The following HMGXB4 variants were observed in gnomAD, a reference collection of about 807,000 sequenced individuals.
HMGXB4 encodes HMG-box containing 4, also known as HMG domain-containing protein 4.
A neutral mutation model predicts 63.9 loss-of-function variants in HMGXB4; 27 were observed. The observed-to-expected ratio is 0.42, with a 90% confidence interval of 0.31 to 0.58. The LOEUF (loss-of-function observed/expected upper bound fraction) is 0.58. Ranked by LOEUF, HMGXB4 falls within the 20% of genes least tolerant of loss-of-function variation. The pLI is 0.13. For missense variants in HMGXB4, 624 were observed against 700.7 expected, an observed-to-expected ratio of 0.89 and a Z score of 1.24; for synonymous variants, 264 against 265.3, an observed-to-expected ratio of 0.99 and a Z score of 0.05.
chr22:35,243,826 G>C, the HMGXB4 span, among the ~76,000 whole-genome samples: 4 of 152,178 alleles, frequency 2.6e-5, no homozygotes, highest in African/African-American at 9.7e-5. Flanking sequence ...TTACAGGTGT[G>C]AGCCACCATG....
At position 35,288,374 on chromosome 22, in the gene HMGXB4, A is replaced by G. The variant is rs998271416; in HGVS notation, c.1605A>G (p.Leu535=). ...AAHLQLLGES[L]SLIGHRLQET... is the part of the protein sequence containing the mutation. ...ATCTTCAGCTGTTGGGAGAGTCCCTAAGCCTCATTGGACACCGTCTGCAGG... is the reference window on the plus strand; with the variant it reads ...ATCTTCAGCTGTTGGGAGAGTCCCTGAGCCTCATTGGACACCGTCTGCAGG... Residue 535 remains leucine (L), a synonymous_variant, in exon 9 of 11, where the codon CTA becomes CTG. Transcript: ENST00000216106. The G allele has an allele frequency of 1.6e-5, 26 of 1,609,240 alleles. No homozygotes were observed. The highest frequency in any genetic ancestry group is 2.2e-5 in the Non-Finnish European group (26 of 1,177,090).
At chr22:35,253,257 C>T (rs1158635395), upstream of HMGXB4, among the ~76,000 whole-genome samples, 1 of 151,978 alleles carries the variant, frequency 6.6e-6, no homozygotes, top group Non-Finnish European at 1.5e-5. Context: ...GATAAAAATC[C>T]ATTAGGAAGC....
intron 5 of HMGXB4, among the ~76,000 whole-genome samples, chr22:35,270,272 A>G (rs1923526918): frequency 6.6e-6 from 1 of 152,122 alleles, no homozygotes; most frequent in African/African-American, 2.4e-5. Flanking sequence ...TTCTCATAGG[A>G]GCACAAACCC....
At chr22:35,261,164 G>A (rs1348737549) in intron 1 of HMGXB4, among the ~76,000 whole-genome samples, 4 of 152,112 alleles carry the variant, frequency 2.6e-5, no homozygotes, top group African/African-American at 4.8e-5. Flanking sequence ...TTGGCTGGGC[G>A]CGGTGGCTCA....
intron 4 of HMGXB4, among the ~76,000 whole-genome samples, chr22:35,264,319 C>G (rs1923051985): frequency 6.6e-6 from 1 of 152,204 alleles, no homozygotes; most frequent in Non-Finnish European, 1.5e-5. Flanking sequence ...ACAAATGATA[C>G]TCTGTCTGCA....
intron 1 of HMGXB4, among the ~76,000 whole-genome samples, chr22:35,259,483 A>ACC (rs1169078434): frequency 6.6e-6 from 1 of 152,008 alleles, no homozygotes. Flanking sequence ...TCTACTCTCT[A>ACC]CCCCTGAACT....
intron 9 of HMGXB4, among the ~76,000 whole-genome samples, chr22:35,289,137 C>T (rs905181129): frequency 5.0e-5 from 6 of 120,320 alleles, no homozygotes; most frequent in African/African-American, 1.3e-4. Context: ...AAGACTCCAT[C>T]ACAAAAAAGA....
the HMGXB4 span, among the ~76,000 whole-genome samples, chr22:35,242,634 G>C: frequency 6.6e-6 from 1 of 151,438 alleles, no homozygotes; most frequent in Non-Finnish European, 1.5e-5. Context: ...CACTGATTTT[G>C]CCTCTTATTT....
chr22:35,253,614 C>CGT (rs1156837029), upstream of HMGXB4, among the ~76,000 whole-genome samples: 6 of 150,958 alleles, frequency 4.0e-5, no homozygotes, highest in Non-Finnish European at 7.4e-5. Context: ...CGCGCGCGCG[C>CGT]GCGTGTGTGT....
chr22:35,290,630 CAAAAAAAA>C (rs767279436), intron 9 of HMGXB4, among the ~76,000 whole-genome samples: 3 of 52,862 alleles, frequency 5.7e-5, no homozygotes, highest in South Asian at 1.4e-3. Context: ...GACTCCGCCT[CAAAAAAAA>C]AAAAAAAAAA....
At chr22:35,271,494 C>A (rs1281563675) in intron 5 of HMGXB4, among the ~76,000 whole-genome samples, 1 of 152,162 alleles carries the variant, frequency 6.6e-6, no homozygotes, top group Non-Finnish European at 1.5e-5. Flanking sequence ...TCGTTGAGAG[C>A]GTGGGCTGTG....
chr22:35,253,629 G>T (rs1177931099), upstream of HMGXB4, among the ~76,000 whole-genome samples: 1 of 151,934 alleles, frequency 6.6e-6, no homozygotes, highest in Non-Finnish European at 1.5e-5. Context: ...GTGTGTGTGT[G>T]TATGTGTGTT....
chr22:35,265,675 A>G, intron 5 of HMGXB4, 72 bp downstream of exon 5: 1 of 1,449,220 alleles, frequency 6.9e-7, no homozygotes, highest in Non-Finnish European at 9.1e-7. Context: ...GTGGACTTTT[A>G]AGTTAAGCAG....
At chr22:35,270,763 C>G (rs1923556188) in intron 5 of HMGXB4, among the ~76,000 whole-genome samples, 1 of 152,156 alleles carries the variant, frequency 6.6e-6, no homozygotes, top group African/African-American at 2.4e-5. Flanking sequence ...TAGCAAAAAC[C>G]TTATTAAGAG....
intron 5 of HMGXB4, 147 bp from the exon 6 acceptor site, chr22:35,283,815 C>G (rs1924409285): frequency 2.0e-6 from 1 of 495,054 alleles, no homozygotes; most frequent in Non-Finnish European, 3.6e-6. Flanking sequence ...ATATATTATC[C>G]TGTTTAGGAA....
intron 1 of HMGXB4, among the ~76,000 whole-genome samples, chr22:35,261,253 T>C (rs1922830338): frequency 2.6e-5 from 4 of 152,026 alleles, no homozygotes; most frequent in Admixed American, 2.6e-4. Context: ...CTGGCCAAGA[T>C]AGTGAAAACC....
chr22:35,283,984 C>T lies in HMGXB4; in HGVS notation c.1238C>T (p.Ala413Val). The T allele has an allele frequency of 6.2e-7, 1 of 1,613,926 alleles. No individual in the cohort carries two copies. The highest frequency in any genetic ancestry group is 8.5e-7 in the Non-Finnish European group (1 of 1,179,804). ...TAGCCAAAAAAGAAGAACATGTCGGCCTACCAGGTGTTCTGTAAAGAGTAT... is the reference window on the plus strand; with the variant it reads ...TAGCCAAAAAAGAAGAACATGTCGGTCTACCAGGTGTTCTGTAAAGAGTAT... ...GEKPKKKNMSAYQVFCKEYRV... is the reference protein window; with the variant it reads ...GEKPKKKNMSVYQVFCKEYRV... The change falls in exon 6 of 11, where the codon GCC becomes GTC. Residue 413 changes from alanine to valine, a missense_variant. Physicochemically the swap from Ala to Val is moderately conservative, Grantham distance 64. Around this residue, in one of 2 missense-constraint regions of HMGXB4, gnomAD observed 152 missense variants for 230.1 expected, o/e 0.66. Transcript: ENST00000216106.
the HMGXB4 span, among the ~76,000 whole-genome samples, chr22:35,241,872 A>G: frequency 0.023 from 3,521 of 152,280 alleles, 107 homozygotes; most frequent in African/African-American, 0.07. Context: ...ACCTGGGGCT[A>G]AAATTCACAA....
chr22:35,259,661 G>C (rs1429304970), intron 1 of HMGXB4, among the ~76,000 whole-genome samples: 2 of 152,152 alleles, frequency 1.3e-5, no homozygotes, highest in African/African-American at 2.4e-5. Flanking sequence ...TGATTTTAAA[G>C]AACGTAGAAA....
Sources: allele counts gnomAD v4.1 joint callset (sites outside exome capture counted in the v4.1 genomes callset), GRCh38; gene constraint gnomAD v4.1.1; regional missense constraint gnomAD v4.1.1; transcripts MANE v1.5; gene names NCBI Gene and HGNC (gene_info 2026-07-23, HGNC 2026-07-21).